Variants in MROH1 observed in about 807,000 individuals in gnomAD.
MROH1 encodes maestro heat-like repeat-containing protein family member 1.
In MROH1, 117 loss-of-function variants were observed where a neutral mutation model predicts 116.5. The ratio of observed to expected loss-of-function variants is 1.00; its 90% confidence interval spans 0.86 to 1.17. MROH1 has a LOEUF of 1.17. Ranked by LOEUF, MROH1 falls within the 50% of genes most tolerant of loss-of-function variation. The probability of loss-of-function intolerance (pLI) is 0.00; values close to 1 mark genes in which losing one functional copy is unlikely to be tolerated. For missense variants in MROH1, 1,873 were observed against 1,338.5 expected, an observed-to-expected ratio of 1.40 and a Z score of -6.23; for synonymous variants, 921 against 583.9, an observed-to-expected ratio of 1.58 and a Z score of -8.32.
intron 12 of MROH1, among the ~76,000 whole-genome samples, chr8:144,216,487 G>T (rs1006063139): frequency 1.1e-4 from 16 of 151,826 alleles, no homozygotes; most frequent in African/African-American, 3.9e-4. Flanking sequence ...AAAATAATAA[G>T]AAGAAACACA....
chr8:144,251,980 C>CCT (rs1287919347), intron 33 of MROH1: 11 of 220,210 alleles, frequency 5.0e-5, no homozygotes, highest in South Asian at 1.3e-4. Flanking sequence ...CATCCTTCCT[C>CCT]TGCCGGGCAG....
At chr8:144,225,853 C>A (rs969644705) in intron 14 of MROH1, among the ~76,000 whole-genome samples, 1 of 148,772 alleles carries the variant, frequency 6.7e-6, no homozygotes, top group African/African-American at 2.5e-5. Flanking sequence ...AGCCACTGCA[C>A]GTGGCCTAAA....
At chr8:144,168,261 GC>G in intron 3 of MROH1, 33 bp from the exon 4 acceptor site, 1 of 1,551,404 alleles carries the variant, frequency 6.4e-7, no homozygotes, top group Non-Finnish European at 8.7e-7. Flanking sequence ...GGGCGCTTGG[GC>G]CTGAGCATGC....
chr8:144,206,568 G>A (rs376172738), intron 12 of MROH1, among the ~76,000 whole-genome samples: 3 of 151,366 alleles, frequency 2.0e-5, no homozygotes, highest in Non-Finnish European at 4.4e-5. Flanking sequence ...GATTACAGGC[G>A]AACACCACCA....
At chr8:144,184,795 C>T (rs1187090336) in intron 7 of MROH1, among the ~76,000 whole-genome samples, 1 of 152,194 alleles carries the variant, frequency 6.6e-6, no homozygotes, top group Admixed American at 6.5e-5. Context: ...GGCCCAGGCT[C>T]ACCGGCATCA....
rs764921020 is a variant in MROH1 at position 144,199,108 on chromosome 8, C to T, written c.949-14C>T. On this transcript the variant is annotated splice_polypyrimidine_tract_variant and intron_variant, in intron 10 of 43. Coordinates refer to ENST00000326134, the MANE Select transcript of MROH1 (RefSeq NM_032450.3). ...CCTCTCTGGTCTATAACCTCGGCCC[C>T]GTTCCTGGAGCAGATCTGTGTGCCT... 20 of 1,612,828 alleles carry T rather than the reference C, an allele frequency of 1.2e-5. No individual in the cohort carries two copies. In the East Asian group the frequency reaches 1.6e-4, roughly 13 times the overall value.
chr8:144,208,880 C>G (rs1043012492), intron 12 of MROH1, among the ~76,000 whole-genome samples: 1 of 152,032 alleles, frequency 6.6e-6, no homozygotes, highest in African/African-American at 2.4e-5. Context: ...TGCACCACCA[C>G]ATCCGGCTAA....
Position 144,247,770 on chromosome 8 carries a change from C to T in MROH1, c.3120+91C>T. The T allele has an allele frequency of 4.3e-6, 3 of 700,202 alleles. No individual in the cohort carries two copies. The East Asian group carries it at 8.0e-5, about 19-fold the overall frequency. The allele number at this position is 700,202 out of a possible 1,614,324, so 43.4% of individuals were successfully genotyped here. ...GAGGTGGCACCTGGCCTCCCCTAGC[C>T]TCTGGAAGTGCCACCCATGGCCAGT... On this transcript the variant is annotated intron_variant, in intron 31 of 43. Coordinates refer to ENST00000326134, the MANE Select transcript of MROH1 (RefSeq NM_032450.3).
rs1056632661 is a variant in MROH1, at chr8:144,180,250, G to A, written c.373G>A (p.Val125Met). 1 of 1,612,870 alleles carries A rather than the reference G, an allele frequency of 6.2e-7. No individual in the cohort carries two copies. Among genetic ancestry groups the A allele is most frequent in the Non-Finnish European group, 8.5e-7 (1 of 1,179,828 alleles). The change falls in exon 6 of 44, where the codon GTG (valine) becomes ATG (methionine). Residue 125 changes from valine (V) to methionine (M), a missense_variant. Coordinates refer to ENST00000326134, the MANE Select transcript of MROH1 (RefSeq NM_032450.3). This position sits in a 1 kb window ranked among gnomAD's most constrained non-coding sequence, Gnocchi z 7.4. ...CGTGGGAAGACAGTTCATCAGCAAG[G>A]TGATGGAGGAGCTGCTGCGCAGGCT... ...VAVGRQFISK[V>M]MEELLRRLHP...
intron 33 of MROH1, chr8:144,252,816 C>CGT (rs1163068005): frequency 6.6e-6 from 1 of 151,408 alleles, no homozygotes; most frequent in African/African-American, 2.4e-5. Flanking sequence ...ATTAGCCAGG[C>CGT]GTGGTGGTGC....
intron 37 of MROH1, 70 bp downstream of exon 37, chr8:144,259,424 CT>C: frequency 1.4e-6 from 1 of 705,120 alleles, no homozygotes; most frequent in Non-Finnish European, 2.6e-6. Context: ...ACGGGATGCC[CT>C]TTTCTTACCC....
At chr8:144,191,614 C>T in intron 8 of MROH1, 101 bp from the exon 9 acceptor site, 7 of 1,460,574 alleles carry the variant, frequency 4.8e-6, no homozygotes, top group Non-Finnish European at 6.4e-6. Context: ...CACTGGTAGC[C>T]CAGTGTTCGT....
At chr8:144,216,763 C>T (rs1020033167) in intron 12 of MROH1, among the ~76,000 whole-genome samples, 23 of 151,014 alleles carry the variant, frequency 1.5e-4, no homozygotes, top group African/African-American at 4.7e-4. Flanking sequence ...GATCTCAGCT[C>T]GCTGCAACTT....
rs1455509503 is a variant in MROH1, at chr8:144,259,294, A to G, written c.3984A>G (p.Ala1328=). The G allele has an allele frequency of 3.4e-4, 243 of 714,972 alleles. 1 individual carries two copies. The highest frequency in any genetic ancestry group is 8.8e-5 in the Non-Finnish European group (34 of 384,902). The allele number at this position is 714,972 out of a possible 1,614,324, so 44.3% of individuals were successfully genotyped here. ...PRLPLVLKTL[A]CTHSSAYENQ... The stretch of plus-strand genomic sequence containing the variant: ...TCCCCCTGGTGCTGAAGACGCTGGC[A>G]TGCACACACAGCAGTGCGTATGAGA... The change falls in exon 37 of 44, where the codon GCA becomes GCG. Residue 1328 remains alanine (A), a synonymous_variant. Transcript: ENST00000326134.
intron 7 of MROH1, among the ~76,000 whole-genome samples, chr8:144,181,819 C>G (rs1825792290): frequency 6.6e-6 from 1 of 152,172 alleles, no homozygotes; most frequent in South Asian, 2.1e-4. Flanking sequence ...TGTCTCTGTG[C>G]TGCACGCACA....
intron 12 of MROH1, chr8:144,213,463 G>C: frequency 5.1e-6 from 1 of 194,712 alleles, no homozygotes; most frequent in South Asian, 1.6e-4. Context: ...AGGATGCCCC[G>C]AATATTGTGT....
chr8:144,256,913 G>A (rs1843948699), intron 35 of MROH1, among the ~76,000 whole-genome samples: 1 of 152,262 alleles, frequency 6.6e-6, no homozygotes, highest in Admixed American at 6.5e-5. Context: ...GGCCTTGCAG[G>A]GCTCGAGGCC....
intron 33 of MROH1, among the ~76,000 whole-genome samples, chr8:144,253,457 C>T (rs1037854631): frequency 2.0e-5 from 3 of 152,202 alleles, no homozygotes; most frequent in African/African-American, 7.2e-5. Flanking sequence ...CTTGCCAGCC[C>T]TTCCCTGGGC....
At chr8:144,258,498 G>A (rs1844347999) in intron 35 of MROH1, among the ~76,000 whole-genome samples, 1 of 152,204 alleles carries the variant, frequency 6.6e-6, no homozygotes, top group Admixed American at 6.5e-5. Context: ...CAGCCAGAGG[G>A]CTTTGCCTGT....
Sources: gnomAD v4.1 joint callset for allele counts (sites outside exome capture counted in the v4.1 genomes callset) on GRCh38, gnomAD v4.1.1 for gene constraint, Gnocchi (gnomAD v3.1) non-coding constraint, MANE v1.5 for transcripts, NCBI Gene and HGNC (gene_info 2026-07-23, HGNC 2026-07-21) for gene names.